The following GRIK2 variants were observed in gnomAD, a reference collection of about 807,000 sequenced individuals.
GRIK2 encodes glutamate ionotropic receptor kainate type subunit 2, also known as glutamate receptor ionotropic, kainate 2.
In GRIK2, 32 loss-of-function variants were observed where a neutral mutation model predicts 100.3. The ratio of observed to expected loss-of-function variants is 0.32; its 90% CI spans 0.24 to 0.43. The LOEUF (loss-of-function observed/expected upper bound fraction) is 0.43, where lower values mean the gene tolerates loss of function less well. Among genes scored for constraint, GRIK2 ranks in the 20% least tolerant of loss-of-function variants. GRIK2 has a pLI of 1.00. For missense variants in GRIK2, 843 were observed against 1,114.9 expected, an observed-to-expected ratio of 0.76 and a Z score of 3.47; for synonymous variants, 417 against 389.4, an observed-to-expected ratio of 1.07 and a Z score of -0.83.
chr6:101,452,931 A>C (rs1370625850), intron 2 of GRIK2, among the ~76,000 whole-genome samples: 2 of 151,894 alleles, frequency 1.3e-5, no homozygotes, highest in Admixed American at 1.3e-4. Context: ...TGGCAATACA[A>C]TAAAATGGCA....
intron 2 of GRIK2, among the ~76,000 whole-genome samples, chr6:101,486,936 G>A (rs1268090549): frequency 6.8e-6 from 1 of 146,756 alleles, no homozygotes; most frequent in Non-Finnish European, 1.5e-5. Flanking sequence ...ACTAGGCTTT[G>A]AAATCGGGAA....
rs1562346616 is a variant in GRIK2, at chr6:101,738,151, TAAATGTCAATTGTAATTGACAATTGTC to T, written c.951+51898_951+51924del. Among the ~76,000 whole-genome samples, 679 of 128,586 alleles carry T rather than the reference TAAATGTCAATTGTAATTGACAATTGTC, an allele frequency of 5.3e-3. 34 individuals carry two copies. Among genetic ancestry groups the T allele is most frequent in the East Asian group, 0.013 (44 of 3,428 alleles). 84.4% of individuals were successfully genotyped at this position (128,586 alleles called of 152,430 possible). The stretch of plus-strand genomic sequence containing the variant: ...AGGAAAAAATATACAATTGACACAT[TAAATGTCAATTGTAATTGACAATTGTC>T]AAATGTCAATTGTAATTGACAATTG... On this transcript the variant is annotated intron_variant, in intron 7 of 16. Transcript: ENST00000369134.
chr6:101,417,324 A>T (rs561618735), intron 2 of GRIK2, among the ~76,000 whole-genome samples: 1 of 152,196 alleles, frequency 6.6e-6, no homozygotes, highest in East Asian at 1.9e-4. Flanking sequence ...CAGCCAAACC[A>T]TATCAGTGAC....
intron 7 of GRIK2, among the ~76,000 whole-genome samples, chr6:101,774,288 T>C (rs961634323): frequency 2.6e-5 from 4 of 152,116 alleles, no homozygotes; most frequent in African/African-American, 9.7e-5. Context: ...TAAACAACAT[T>C]GATGAATATA....
chr6:101,409,033 A>G (rs1334655840), intron 2 of GRIK2, among the ~76,000 whole-genome samples: 1 of 152,036 alleles, frequency 6.6e-6, no homozygotes, highest in Non-Finnish European at 1.5e-5. Context: ...TGAGGGATAC[A>G]GTAAATTGCC....
chr6:101,642,748 T>C (rs1187074238), intron 4 of GRIK2, among the ~76,000 whole-genome samples: 1 of 151,732 alleles, frequency 6.6e-6, no homozygotes, highest in Non-Finnish European at 1.5e-5. Context: ...TTTCAGTATA[T>C]ACCCAGATGT....
intron 14 of GRIK2, among the ~76,000 whole-genome samples, chr6:101,944,473 C>A (rs569286160): frequency 6.6e-6 from 1 of 152,024 alleles, no homozygotes; most frequent in Non-Finnish European, 1.5e-5. Context: ...TAGAAGATAA[C>A]AAATGTTAAT....
chr6:101,959,231 C>T (rs1792133037), intron 14 of GRIK2, among the ~76,000 whole-genome samples: 1 of 152,070 alleles, frequency 6.6e-6, no homozygotes, highest in Non-Finnish European at 1.5e-5. Flanking sequence ...GTACATCCCT[C>T]TGGTCCTGGG....
chr6:101,820,604 T>C (rs1054184396), intron 10 of GRIK2, among the ~76,000 whole-genome samples: 4 of 151,980 alleles, frequency 2.6e-5, no homozygotes, highest in Non-Finnish European at 5.9e-5. Context: ...CTACCACTCC[T>C]AGCTAATTTT....
rs1235757638 is a variant in GRIK2, at chr6:101,775,833, A to G, written c.952-23815A>G. 3.3e-5 allele frequency among the ~76,000 whole-genome samples: 5 copies of G among 151,772 alleles called. No homozygotes were observed. In the East Asian group the frequency reaches 9.7e-4, roughly 29 times the overall value. On this transcript the variant is annotated intron_variant, in intron 7 of 16. Coordinates refer to ENST00000369134, the MANE Select transcript of GRIK2 (RefSeq NM_021956.5). ...AATATAGATATATATATATGGAGAGAGAGAGAGAGAGATGTGGTCTTACTT... is the reference window on the plus strand; with the variant it reads ...AATATAGATATATATATATGGAGAGGGAGAGAGAGAGATGTGGTCTTACTT...
intron 2 of GRIK2, among the ~76,000 whole-genome samples, chr6:101,441,495 C>T (rs886250575): frequency 6.6e-6 from 1 of 152,140 alleles, no homozygotes; most frequent in Non-Finnish European, 1.5e-5. Context: ...TATGCTTGTG[C>T]TACCCAGAAC....
At chr6:101,950,711 T>A (rs1257416166) in intron 14 of GRIK2, among the ~76,000 whole-genome samples, 1 of 152,124 alleles carries the variant, frequency 6.6e-6, no homozygotes, top group Non-Finnish European at 1.5e-5. Flanking sequence ...TTTCTTTATG[T>A]TTTTTTATTT....
intron 2 of GRIK2, among the ~76,000 whole-genome samples, chr6:101,494,971 T>TTATATATATATATATA (rs369006296): frequency 0.035 from 3,792 of 107,210 alleles, 140 homozygotes; most frequent in Non-Finnish European, 0.04. Flanking sequence ...ATATATGCAT[T>TTATATATATATATATA]TATATATATA....
intron 2 of GRIK2, among the ~76,000 whole-genome samples, chr6:101,455,380 G>C (rs1279271707): frequency 6.6e-6 from 1 of 152,098 alleles, no homozygotes; most frequent in Non-Finnish European, 1.5e-5. Flanking sequence ...AGAGTGGGAA[G>C]AGGGAAAAAT....
intron 2 of GRIK2, among the ~76,000 whole-genome samples, chr6:101,532,975 G>C (rs781351831): frequency 2.0e-5 from 3 of 151,750 alleles, no homozygotes; most frequent in Non-Finnish European, 4.4e-5. Context: ...GGATGAAAAA[G>C]ACACAGAAGG....
intron 12 of GRIK2, among the ~76,000 whole-genome samples, chr6:101,920,661 G>C (rs1432903637): frequency 3.3e-5 from 5 of 151,668 alleles, no homozygotes; most frequent in Non-Finnish European, 7.4e-5. Flanking sequence ...AATATCTATG[G>C]AGTGAAGAGT....
At chr6:101,905,129 T>C (rs1788136226) in intron 12 of GRIK2, among the ~76,000 whole-genome samples, 1 of 151,590 alleles carries the variant, frequency 6.6e-6, no homozygotes, top group African/African-American at 2.4e-5. Flanking sequence ...GTCTAGAGTG[T>C]CTAAAACTTG....
At chr6:101,783,491 A>G (rs945467310) in intron 7 of GRIK2, among the ~76,000 whole-genome samples, 9 of 152,208 alleles carry the variant, frequency 5.9e-5, no homozygotes, top group African/African-American at 1.9e-4. Flanking sequence ...AGTGTGAAAA[A>G]TGGACTAATA....
intron 2 of GRIK2, among the ~76,000 whole-genome samples, chr6:101,510,158 G>A (rs1774226462): frequency 6.6e-6 from 1 of 152,150 alleles, no homozygotes; most frequent in Non-Finnish European, 1.5e-5. Context: ...CTTAAGCAAA[G>A]GATTGGAATG....
Sources: gnomAD v4.1 joint callset for allele counts (sites outside exome capture counted in the v4.1 genomes callset) on GRCh38, gnomAD v4.1.1 for gene constraint, MANE v1.5 for transcripts, NCBI Gene and HGNC (gene_info 2026-07-23, HGNC 2026-07-21) for gene names.